Variants in SPIDR observed in about 807,000 individuals in gnomAD.
The protein encoded by SPIDR is DNA repair-scaffolding protein.
A neutral mutation model predicts 104.6 loss-of-function variants in SPIDR; 93 were observed. The ratio of observed to expected loss-of-function variants is 0.89; its 90% CI spans 0.75 to 1.06. SPIDR has a LOEUF of 1.06. Among genes scored for constraint, SPIDR ranks in the 50% least tolerant of loss-of-function variants. SPIDR has a pLI of 0.00. For synonymous variants in SPIDR, 431 were observed against 416.9 expected, an observed-to-expected ratio of 1.03 and a Z score of -0.41; for missense variants, 1,154 against 1,111.2, an observed-to-expected ratio of 1.04 and a Z score of -0.55.
At chr8:47,584,033 C>A (rs2154414711) in intron 8 of SPIDR, among the ~76,000 whole-genome samples, 1 of 152,280 alleles carries the variant, frequency 6.6e-6, no homozygotes, top group East Asian at 1.9e-4. Flanking sequence ...ACCAAATGGA[C>A]CTGGAGATGG....
intron 7 of SPIDR, among the ~76,000 whole-genome samples, chr8:47,425,236 G>A (rs2066232088): frequency 6.6e-6 from 1 of 152,130 alleles, no homozygotes; most frequent in Non-Finnish European, 1.5e-5. Context: ...GAGGGTCACA[G>A]GTACCAAGCT....
At chr8:47,486,714 G>T (rs912470696) in intron 8 of SPIDR, among the ~76,000 whole-genome samples, 7 of 152,144 alleles carry the variant, frequency 4.6e-5, no homozygotes, top group Non-Finnish European at 8.8e-5. Flanking sequence ...TTAAAGAAAA[G>T]AATTTTCAAC....
intron 10 of SPIDR, among the ~76,000 whole-genome samples, chr8:47,615,754 A>G (rs1252766715): frequency 6.6e-6 from 1 of 152,110 alleles, no homozygotes; most frequent in Non-Finnish European, 1.5e-5. Context: ...TTGGTTTTTG[A>G]TAAGGATTGC....
At chr8:47,606,363 C>CAA (rs879898929) in intron 10 of SPIDR, among the ~76,000 whole-genome samples, 1 of 138,192 alleles carries the variant, frequency 7.2e-6, no homozygotes, top group Admixed American at 7.2e-5. Flanking sequence ...ACTAAAAATA[C>CAA]AAAAAAAAAA....
At chr8:47,581,561 T>G (rs1317748823) in intron 8 of SPIDR, among the ~76,000 whole-genome samples, 1 of 152,144 alleles carries the variant, frequency 6.6e-6, no homozygotes, top group East Asian at 1.9e-4. Context: ...GTAGCCCTGC[T>G]GGACAGACAG....
intron 10 of SPIDR, among the ~76,000 whole-genome samples, chr8:47,672,926 A>G (rs887257833): frequency 1.3e-5 from 2 of 152,204 alleles, no homozygotes; most frequent in African/African-American, 4.8e-5. Flanking sequence ...TTCATTAAGG[A>G]GTCTACAGTT....
chr8:47,387,780 C>A (rs1327888182), intron 5 of SPIDR, among the ~76,000 whole-genome samples: 3 of 152,186 alleles, frequency 2.0e-5, no homozygotes, highest in Non-Finnish European at 2.9e-5. Flanking sequence ...TCAAATACAT[C>A]CCATTTGCAG....
At chr8:47,346,275 T>G (rs1021043604) in intron 5 of SPIDR, among the ~76,000 whole-genome samples, 1 of 152,236 alleles carries the variant, frequency 6.6e-6, no homozygotes, top group African/African-American at 2.4e-5. Flanking sequence ...TTTATTGATT[T>G]GCGTATATTG....
Position 47,713,513 on chromosome 8 carries a change from C to T in SPIDR, c.2213C>T (p.Thr738Ile). ...GGTCGGATTGTTTGTGCTGAACGAA[C>T]TGTCCTCTTGCTTCAGAAGCCCCTT... Reference protein sequence around the residue: ...DQGRIVCAERTVLLLQKPLLS... With the variant: ...DQGRIVCAERIVLLLQKPLLS... Residue 738 changes from threonine to isoleucine, a missense_variant, in exon 16 of 20, where the codon ACT becomes ATT. Transcript: ENST00000297423. 1 of 1,614,190 alleles carries T rather than the reference C, an allele frequency of 6.2e-7. No homozygotes were observed. The highest frequency in any genetic ancestry group is 1.1e-5 in the South Asian group (1 of 91,078).
rs117735775 is a variant in SPIDR at position 47,452,188 on chromosome 8, C to T, written c.1097+11646C>T. Among the ~76,000 whole-genome samples the T allele has an allele frequency of 2.2e-3, 338 of 152,160 alleles. 1 individual carries two copies. The highest frequency in any genetic ancestry group is 3.5e-3 in the Non-Finnish European group (239 of 67,998). ...GCAGCAAGAGAGAGGCAACTTGCTA[C>T]GTATAAGGGATCCTCAATAATATTA... On this transcript the variant is annotated intron_variant, in intron 8 of 19. Coordinates refer to ENST00000297423, the MANE Select transcript of SPIDR (RefSeq NM_001080394.4).
At chr8:47,566,998 C>T (rs2057937459) in intron 8 of SPIDR, among the ~76,000 whole-genome samples, 1 of 152,134 alleles carries the variant, frequency 6.6e-6, no homozygotes, top group Admixed American at 6.6e-5. Flanking sequence ...ATATATAAGT[C>T]ATCAGGTTAA....
At chr8:47,363,199 CTTTTTTTT>C (rs34705214) in intron 5 of SPIDR, among the ~76,000 whole-genome samples, 3 of 79,714 alleles carry the variant, frequency 3.8e-5, no homozygotes, top group East Asian at 7.2e-4. Flanking sequence ...CTTTATCTCT[CTTTTTTTT>C]TTTTTTTTTT....
At chr8:47,564,959 A>C (rs1472202926) in intron 8 of SPIDR, among the ~76,000 whole-genome samples, 1 of 152,138 alleles carries the variant, frequency 6.6e-6, no homozygotes, top group Non-Finnish European at 1.5e-5. Flanking sequence ...AAAGAAATTC[A>C]TTGACGGCCA....
intron 5 of SPIDR, among the ~76,000 whole-genome samples, chr8:47,306,331 G>C (rs2043089778): frequency 6.6e-6 from 1 of 152,026 alleles, no homozygotes; most frequent in African/African-American, 2.4e-5. Context: ...ACTAGAGACA[G>C]GGCTTCACTA....
intron 7 of SPIDR, among the ~76,000 whole-genome samples, chr8:47,421,716 C>T (rs2065503641): frequency 6.6e-6 from 1 of 152,144 alleles, no homozygotes; most frequent in Non-Finnish European, 1.5e-5. Context: ...TTTTTCTGCT[C>T]TGTTTTTTCC....
chr8:47,417,313 G>T (rs1227893759), intron 7 of SPIDR, among the ~76,000 whole-genome samples: 3 of 152,186 alleles, frequency 2.0e-5, no homozygotes, highest in African/African-American at 7.2e-5. Flanking sequence ...TTTAATGATC[G>T]CCATTCTAAC....
At chr8:47,660,316 A>G (rs149324952) in intron 10 of SPIDR, 65 of 369,824 alleles carry the variant, frequency 1.8e-4, no homozygotes, top group African/African-American at 1.4e-3. Flanking sequence ...TTCACTTCAT[A>G]ATGGACTTTT....
rs556482404 is a variant in SPIDR, at chr8:47,600,631, G to C, written c.1544+1435G>C. On this transcript the variant is annotated intron_variant, in intron 10 of 19. Coordinates refer to ENST00000297423, the MANE Select transcript of SPIDR (RefSeq NM_001080394.4). Reference sequence around the variant, plus strand: ...TATCATGGCTTGTAGATGTAGACCAGTCTTCTACCCTTTGCCCTAAATCTG... The same window carrying C: ...TATCATGGCTTGTAGATGTAGACCACTCTTCTACCCTTTGCCCTAAATCTG... Among the ~76,000 whole-genome samples, 71 of 152,302 alleles carry C rather than the reference G, an allele frequency of 4.7e-4. 1 individual carries two copies. Among genetic ancestry groups the C allele is most frequent in the African/African-American group, 1.7e-3 (71 of 41,560 alleles).
chr8:47,598,806 C>A, intron 9 of SPIDR, 140 bp from the exon 10 acceptor site: 2 of 1,115,260 alleles, frequency 1.8e-6, no homozygotes, highest in South Asian at 1.6e-5. Context: ...TTTTCATCTT[C>A]ATCATCACTT....
Sources: gnomAD v4.1 joint callset for allele counts (sites outside exome capture counted in the v4.1 genomes callset) on GRCh38, gnomAD v4.1.1 for gene constraint, MANE v1.5 for transcripts, NCBI Gene and HGNC (gene_info 2026-07-23, HGNC 2026-07-21) for gene names.